The following PI15 variants were observed in gnomAD, a reference collection of about 807,000 sequenced individuals.
PI15 encodes 25 kDa trypsin inhibitor.
Under a neutral mutation model 31.0 loss-of-function variants are expected in PI15, and 18 were observed. The observed-to-expected ratio is 0.58, with a 90% confidence interval of 0.40 to 0.86. PI15 has a LOEUF of 0.86. PI15 is among the 40% of genes least tolerant of loss of function. PI15 has a pLI of 0.00. For synonymous variants in PI15, 118 were observed against 119.1 expected (o/e 0.99, Z 0.06); for missense variants, 282 against 328.1 (o/e 0.86, Z 1.09).
rs548214183 is a variant in PI15, at chr8:74,852,056, G to T, written c.*2803G>T. The T allele has an allele frequency of 6.6e-6, 1 of 152,476 alleles. No individual in the cohort carries two copies. The highest frequency in any genetic ancestry group is 2.4e-5 in the African/African-American group (1 of 41,428). 9.4% of individuals were successfully genotyped at this position (152,476 alleles called of 1,614,324 possible). On this transcript the variant is annotated 3_prime_UTR_variant, in exon 6 of 6. Coordinates refer to ENST00000260113, the MANE Select transcript of PI15 (RefSeq NM_015886.5). ...ATATTTTTCACAGCATGCAACAATGGTGCTAGGATAGCTATTTCTTACTGT... is the reference window on the plus strand; with the variant it reads ...ATATTTTTCACAGCATGCAACAATGTTGCTAGGATAGCTATTTCTTACTGT...
chr8:74,839,364 GA>G (rs1357571576), intron 2 of PI15, among the ~76,000 whole-genome samples: 3 of 152,074 alleles, frequency 2.0e-5, no homozygotes, highest in Non-Finnish European at 4.4e-5. Context: ...AAAAAGAATG[GA>G]AGAAAACTGC....
At position 74,825,632 on chromosome 8, in the gene PI15, C is replaced by T. The variant is rs937167493; in HGVS notation, c.273+110C>T. Reference sequence around the variant, plus strand: ...GTGTTTATATGTCCGGGTATATGGACTTTTTACATATTTTAACCTAAGGTT... The same window carrying T: ...GTGTTTATATGTCCGGGTATATGGATTTTTTACATATTTTAACCTAAGGTT... On this transcript the variant is annotated intron_variant, in intron 2 of 5. Coordinates refer to ENST00000260113, the MANE Select transcript of PI15 (RefSeq NM_015886.5). The T allele has an allele frequency of 6.6e-5, 55 of 835,156 alleles. 1 individual carries two copies. In the Middle Eastern group the frequency reaches 9.1e-4, roughly 14 times the overall value. 51.7% of individuals were successfully genotyped at this position (835,156 alleles called of 1,614,324 possible). A position where few individuals can be genotyped will look rare whatever the true frequency, so the allele number is the denominator to read the frequency against.
intron 5 of PI15, among the ~76,000 whole-genome samples, chr8:74,847,915 C>T (rs1485838857): frequency 6.6e-6 from 1 of 152,062 alleles, no homozygotes; most frequent in Non-Finnish European, 1.5e-5. Context: ...CAAATTTTCT[C>T]CCGACCATTT....
intron 2 of PI15, among the ~76,000 whole-genome samples, chr8:74,838,181 T>A (rs1810896581): frequency 6.6e-6 from 1 of 151,936 alleles, no homozygotes; most frequent in Non-Finnish European, 1.5e-5. Context: ...ATGTAGCGAT[T>A]CATTTCACCT....
chr8:74,831,131 G>A (rs988370315), intron 2 of PI15, among the ~76,000 whole-genome samples: 1 of 152,130 alleles, frequency 6.6e-6, no homozygotes, highest in Non-Finnish European at 1.5e-5. Context: ...CCAAAGGTAA[G>A]AACATTTTGT....
Position 74,852,857 on chromosome 8 carries a change from T to C in PI15, c.*3604T>C, listed in dbSNP as rs1811127062. The C allele has an allele frequency of 2.0e-5, 3 of 152,086 alleles. No homozygotes were observed. The highest frequency in any genetic ancestry group is 6.6e-5 in the Admixed American group (1 of 15,264). The allele number at this position is 152,086 out of a possible 1,614,324, so 9.4% of individuals were successfully genotyped here. Reference sequence around the variant, plus strand: ...GACTTTGGTGTAGGTTCTTCCTGTGTAGCCATATACCCAGGCTCTGCAGTA... The same window carrying C: ...GACTTTGGTGTAGGTTCTTCCTGTGCAGCCATATACCCAGGCTCTGCAGTA... On this transcript the variant is annotated 3_prime_UTR_variant, in exon 6 of 6. Transcript: ENST00000260113.
chr8:74,831,200 G>A (rs1032439465), intron 2 of PI15, among the ~76,000 whole-genome samples: 2 of 152,196 alleles, frequency 1.3e-5, no homozygotes, highest in African/African-American at 4.8e-5. Context: ...GTAACAGGAT[G>A]TGATTTGAAA....
At position 74,851,575 on chromosome 8, in the gene PI15, C is replaced by T. The variant is rs1586961112; in HGVS notation, c.*2322C>T. ...AGATTAAATTAAATTTTTCATGAGC[C>T]CCTCTTTGGCAGGAACTCTGTTTAA... is the stretch of plus-strand genomic sequence containing the variant. On this transcript the variant is annotated 3_prime_UTR_variant, in exon 6 of 6. Coordinates refer to ENST00000260113, the MANE Select transcript of PI15 (RefSeq NM_015886.5). The T allele has an allele frequency of 1.3e-5, 2 of 151,610 alleles. No homozygotes were observed. The highest frequency in any genetic ancestry group is 2.9e-5 in the Non-Finnish European group (2 of 67,816). The allele number at this position is 151,610 out of a possible 1,614,324, so 9.4% of individuals were successfully genotyped here.
At chr8:74,837,534 A>T (rs2128764836) in intron 2 of PI15, among the ~76,000 whole-genome samples, 1 of 152,334 alleles carries the variant, frequency 6.6e-6, no homozygotes, top group East Asian at 1.9e-4. Context: ...ATGCCTATGA[A>T]GTGTTTTTAA....
At chr8:74,834,561 T>C (rs571865813) in intron 2 of PI15, among the ~76,000 whole-genome samples, 1 of 152,250 alleles carries the variant, frequency 6.6e-6, no homozygotes, top group South Asian at 2.1e-4. Context: ...GCTACACAAA[T>C]ACATTTGATT....
Position 74,852,625 on chromosome 8 carries a change from G to A in PI15, c.*3372G>A, listed in dbSNP as rs910129468. 2 of 152,080 alleles carry A rather than the reference G, an allele frequency of 1.3e-5. No homozygotes were observed. The highest frequency in any genetic ancestry group is 1.3e-4 in the Admixed American group (2 of 15,246). 9.4% of individuals were successfully genotyped at this position (152,080 alleles called of 1,614,324 possible). On this transcript the variant is annotated 3_prime_UTR_variant, in exon 6 of 6. Coordinates refer to ENST00000260113, the MANE Select transcript of PI15 (RefSeq NM_015886.5). ...AGCACAGAGTTGACCAAACACTGGC[G>A]TAAGTTCAATTTACACAGAATATTT...
chr8:74,844,932 C>A, intron 3 of PI15, 196 bp from the exon 4 acceptor site: 1 of 578,394 alleles, frequency 1.7e-6, no homozygotes, highest in Non-Finnish European at 3.1e-6. Context: ...TACTCCAGCC[C>A]TGGCCATTTC....
chr8:74,836,682 G>A (rs190435447), intron 2 of PI15, among the ~76,000 whole-genome samples: 5 of 152,266 alleles, frequency 3.3e-5, no homozygotes, highest in African/African-American at 9.6e-5. Context: ...GGCAAGTGTA[G>A]GGTCATGAAA....
chr8:74,846,423 T>C (rs1415548631), intron 5 of PI15, among the ~76,000 whole-genome samples: 1 of 152,234 alleles, frequency 6.6e-6, no homozygotes, highest in Non-Finnish European at 1.5e-5. Context: ...TTTACATTTA[T>C]ACGAAAATTT....
At chr8:74,831,794 A>G (rs1339687060) in intron 2 of PI15, among the ~76,000 whole-genome samples, 1 of 152,128 alleles carries the variant, frequency 6.6e-6, no homozygotes, top group Non-Finnish European at 1.5e-5. Context: ...AAAGTTATAC[A>G]GGTGTGAGTT....
In PI15 at chr8:74,853,789, A is replaced by G. The variant is rs1472436425; in HGVS notation, c.*4536A>G. On this transcript the variant is annotated 3_prime_UTR_variant, in exon 6 of 6. Coordinates refer to ENST00000260113, the MANE Select transcript of PI15 (RefSeq NM_015886.5). ...AATATATTCTGGCACCCACTTTCCT[A>G]GTAATGTTTTCCATGATTTTCCAGT... The G allele has an allele frequency of 6.6e-6, 1 of 152,156 alleles. No individual in the cohort carries two copies. The highest frequency in any genetic ancestry group is 6.6e-5 in the Admixed American group (1 of 15,254). 9.4% of individuals were successfully genotyped at this position (152,156 alleles called of 1,614,324 possible).
chr8:74,824,820 T>G (rs1469864527), intron 1 of PI15, 145 bp downstream of exon 1: 1 of 174,898 alleles, frequency 5.7e-6, no homozygotes, highest in Non-Finnish European at 1.2e-5. Flanking sequence ...GCAGACATTA[T>G]CAGCACATTC....
chr8:74,845,093 C>T (rs1811004982), intron 3 of PI15, 35 bp from the exon 4 acceptor site: 1 of 1,583,558 alleles, frequency 6.3e-7, no homozygotes, highest in East Asian at 2.2e-5. Flanking sequence ...ATTACCACTG[C>T]TGCACTCTGA....
chr8:74,847,910 T>C (rs1192237728), intron 5 of PI15, among the ~76,000 whole-genome samples: 2 of 152,136 alleles, frequency 1.3e-5, no homozygotes, highest in Non-Finnish European at 2.9e-5. Flanking sequence ...ATAACCAAAT[T>C]TTCTCCCGAC....
Sources: allele counts gnomAD v4.1 joint callset (sites outside exome capture counted in the v4.1 genomes callset), GRCh38; gene constraint gnomAD v4.1.1; transcripts MANE v1.5; gene names NCBI Gene and HGNC (gene_info 2026-07-23, HGNC 2026-07-21).